Variants in ARSG observed in about 807,000 individuals in gnomAD.
ARSG encodes arylsulfatase G, also known as ASG.
In ARSG, 37 loss-of-function variants were observed where a neutral mutation model predicts 50.5. The ratio of observed to expected loss-of-function variants is 0.73; its 90% confidence interval spans 0.56 to 0.96. The LOEUF (loss-of-function observed/expected upper bound fraction) is 0.96, where lower values mean the gene tolerates loss of function less well. Among genes scored for constraint, ARSG ranks in the 50% least tolerant of loss-of-function variants. The probability of loss-of-function intolerance (pLI) is 0.00; values close to 1 mark genes in which losing one functional copy is unlikely to be tolerated. For synonymous variants in ARSG, 225 were observed against 254.6 expected (o/e 0.88, Z 1.11); for missense variants, 629 against 675.3 (o/e 0.93, Z 0.76).
upstream of ARSG, among the ~76,000 whole-genome samples, chr17:68,289,340 T>C (rs1386709458): frequency 1.3e-5 from 2 of 152,170 alleles, no homozygotes; most frequent in African/African-American, 4.8e-5. Flanking sequence ...GGAAATCCGC[T>C]ATCCTTGGGA....
At chr17:68,397,158 G>C (rs1479569314) in intron 10 of ARSG, among the ~76,000 whole-genome samples, 2 of 152,168 alleles carry the variant, frequency 1.3e-5, no homozygotes, top group Non-Finnish European at 2.9e-5. Flanking sequence ...GGCTCGTAGA[G>C]ACCCCATCCT....
intron 1 of ARSG, among the ~76,000 whole-genome samples, chr17:68,295,514 A>G (rs757476465): frequency 6.6e-6 from 1 of 151,826 alleles, no homozygotes; most frequent in Admixed American, 6.6e-5. Flanking sequence ...GGAGGCTTCT[A>G]TAAATTATCT....
At chr17:68,437,309 C>A in the ARSG span, among the ~76,000 whole-genome samples, 3 of 152,042 alleles carry the variant, frequency 2.0e-5, no homozygotes, top group East Asian at 3.9e-4. Flanking sequence ...GATCCCAGCA[C>A]TTTGGCAGGC....
chr17:68,419,017 C>CA (rs3072871), intron 11 of ARSG, among the ~76,000 whole-genome samples: 3,279 of 112,900 alleles, frequency 0.029, 118 homozygotes, highest in African/African-American at 0.078. Flanking sequence ...ATAGCAAAGC[C>CA]AAAAAAAAAA....
chr17:68,310,784 C>T (rs2076821568), intron 2 of ARSG, among the ~76,000 whole-genome samples: 2 of 152,212 alleles, frequency 1.3e-5, no homozygotes, highest in African/African-American at 2.4e-5. Context: ...TCTGGTCTCA[C>T]CCACTCCAGT....
At chr17:68,323,473 C>T (rs1810748188) in intron 2 of ARSG, among the ~76,000 whole-genome samples, 1 of 152,046 alleles carries the variant, frequency 6.6e-6, no homozygotes, top group South Asian at 2.1e-4. Flanking sequence ...TGATTTTGAA[C>T]TCCTGGGCTC....
intron 1 of ARSG, among the ~76,000 whole-genome samples, chr17:68,295,966 C>A (rs2076192303): frequency 6.6e-6 from 1 of 152,030 alleles, no homozygotes; most frequent in African/African-American, 2.4e-5. Context: ...AGGCATGAGC[C>A]ACTGCTCCGG....
chr17:68,326,181 A>C (rs953384000), intron 2 of ARSG, among the ~76,000 whole-genome samples: 1 of 152,212 alleles, frequency 6.6e-6, no homozygotes, highest in Admixed American at 6.5e-5. Flanking sequence ...CAGATATGAT[A>C]AGGGTTAGGG....
intron 1 of ARSG, among the ~76,000 whole-genome samples, chr17:68,292,261 G>C (rs1351272494): frequency 1.3e-5 from 2 of 152,128 alleles, no homozygotes; most frequent in Admixed American, 1.3e-4. Flanking sequence ...TGGCGGCGTC[G>C]GCACAGGTGC....
At chr17:68,259,880 T>G (rs1340388881) in intron 1 of ARSG, among the ~76,000 whole-genome samples, 4 of 152,130 alleles carry the variant, frequency 2.6e-5, no homozygotes, top group African/African-American at 9.7e-5. Flanking sequence ...TGGTATTGAG[T>G]TACTAGGAGA....
intron 9 of ARSG, among the ~76,000 whole-genome samples, chr17:68,394,665 T>C (rs1307265322): frequency 6.6e-6 from 1 of 152,234 alleles, no homozygotes; most frequent in East Asian, 1.9e-4. Flanking sequence ...GTTTGATTTA[T>C]GGCAATCAGG....
chr17:68,437,161 G>A, the ARSG span, among the ~76,000 whole-genome samples: 1 of 152,188 alleles, frequency 6.6e-6, no homozygotes, highest in Non-Finnish European at 1.5e-5. Flanking sequence ...TTCCTATAGT[G>A]AAAAGTCAGT....
At chr17:68,361,736 G>A (rs1398052054) in intron 6 of ARSG, among the ~76,000 whole-genome samples, 2 of 152,020 alleles carry the variant, frequency 1.3e-5, no homozygotes, top group African/African-American at 2.4e-5. Flanking sequence ...GGCCAACATG[G>A]TGAAACCCCA....
chr17:68,444,656 C>T, the ARSG span: 1 of 1,338,326 alleles, frequency 7.5e-7, no homozygotes, highest in Non-Finnish European at 1.0e-6. Context: ...AAATCCAAAT[C>T]ATTCATCTTT....
At chr17:68,427,065 G>T, downstream of ARSG, 1 of 1,281,270 alleles carries the variant, frequency 7.8e-7, no homozygotes, top group South Asian at 1.2e-5. Context: ...GAAGGGGAGG[G>T]AGCGTGCAGG....
chr17:68,450,680 G>T, the ARSG span: 1 of 1,548,424 alleles, frequency 6.5e-7, no homozygotes, highest in Admixed American at 2.1e-5. Flanking sequence ...TTTTTGTTTG[G>T]CTCCCGTTAG....
chr17:68,346,966 A>G, intron 3 of ARSG, 159 bp from the exon 4 acceptor site: 1 of 1,529,480 alleles, frequency 6.5e-7, no homozygotes, highest in Non-Finnish European at 8.8e-7. Context: ...TCGGCCCCAG[A>G]GAGCAAAGCC....
chr17:68,335,060 G>A (rs1039167077), intron 2 of ARSG, among the ~76,000 whole-genome samples: 3 of 152,142 alleles, frequency 2.0e-5, no homozygotes, highest in South Asian at 2.1e-4. Context: ...GCAGTGGTGC[G>A]ATCATGATTC....
At chr17:68,435,788 T>TTTTCTCC in the ARSG span, 2 of 1,346,742 alleles carry the variant, frequency 1.5e-6, no homozygotes, top group Non-Finnish European at 2.1e-6. Context: ...CCCCTTCCTC[T>TTTTCTCC]TTTCTCCTTT....
Sources: gnomAD v4.1 joint callset for allele counts (sites outside exome capture counted in the v4.1 genomes callset) on GRCh38, gnomAD v4.1.1 for gene constraint, MANE v1.5 for transcripts, NCBI Gene and HGNC (gene_info 2026-07-23, HGNC 2026-07-21) for gene names.